The following PTPRQ variants were observed in gnomAD, a reference collection of about 807,000 sequenced individuals.
PTPRQ encodes the protein protein tyrosine phosphatase receptor type Q.
PTPRQ carries 199 observed loss-of-function variants against 246.0 expected under a neutral mutation model. The observed-to-expected ratio is 0.81, with a 90% confidence interval of 0.72 to 0.91. The LOEUF (loss-of-function observed/expected upper bound fraction) is 0.91. Among genes scored for constraint, PTPRQ ranks in the 40% least tolerant of loss-of-function variants. PTPRQ has a pLI of 0.00. For missense variants in PTPRQ, 2,624 were observed against 2,528.4 expected, an observed-to-expected ratio of 1.04 and a Z score of -0.81; for synonymous variants, 869 against 853.2, an observed-to-expected ratio of 1.02 and a Z score of -0.32.
intron 25 of PTPRQ, among the ~76,000 whole-genome samples, chr12:80,550,746 A>G (rs1896449932): frequency 6.6e-6 from 1 of 152,116 alleles, no homozygotes; most frequent in African/African-American, 2.4e-5. Context: ...CTATAAATTC[A>G]TCGTCCTTAA....
chr12:80,646,788 A>G (rs1900090402), intron 35 of PTPRQ, among the ~76,000 whole-genome samples: 1 of 152,206 alleles, frequency 6.6e-6, no homozygotes, highest in African/African-American at 2.4e-5. Context: ...TTTTAAATGC[A>G]AAATGAATTA....
At chr12:80,454,470 G>A (rs1034074252) in intron 3 of PTPRQ, 31 of 698,606 alleles carry the variant, frequency 4.4e-5, no homozygotes, top group Non-Finnish European at 7.3e-5. Context: ...TCTTTCTCTT[G>A]CTTGATCGCT....
chr12:80,575,827 G>A (rs1242598235), intron 25 of PTPRQ, among the ~76,000 whole-genome samples: 6 of 94,440 alleles, frequency 6.4e-5, no homozygotes, highest in Admixed American at 4.2e-4. Context: ...CAACAAGAGC[G>A]AAACCCCATC....
At chr12:80,555,475 T>C (rs1039350472) in intron 25 of PTPRQ, among the ~76,000 whole-genome samples, 6 of 152,208 alleles carry the variant, frequency 3.9e-5, no homozygotes, top group Non-Finnish European at 5.9e-5. Flanking sequence ...GGCTACAAAT[T>C]AGTGCACTAA....
chr12:80,676,225 A>G (rs575234129), intron 43 of PTPRQ, among the ~76,000 whole-genome samples: 1 of 152,248 alleles, frequency 6.6e-6, no homozygotes, highest in Non-Finnish European at 1.5e-5. Flanking sequence ...TGCAGTTTCT[A>G]TGAGGAATAT....
At chr12:80,477,694 G>A (rs941019974) in intron 8 of PTPRQ, among the ~76,000 whole-genome samples, 3 of 152,196 alleles carry the variant, frequency 2.0e-5, no homozygotes, top group African/African-American at 4.8e-5. Context: ...CCGAAGCAGG[G>A]CGAGGCATTG....
Position 80,658,055 on chromosome 12 carries a change from T to C in PTPRQ, c.6186T>C (p.Tyr2062=). 1 of 1,386,930 alleles carries C rather than the reference T, an allele frequency of 7.2e-7. No homozygotes were observed. The highest frequency in any genetic ancestry group is 9.5e-7 in the Non-Finnish European group (1 of 1,056,608). The allele number at this position is 1,386,930 out of a possible 1,614,324, so 85.9% of individuals were successfully genotyped here. Reference sequence around the variant, plus strand: ...GTTCGGATTATATTAATGCCAGCTATATTTCTGTAAGTTACTATTTTATAT... The same window carrying C: ...GTTCGGATTATATTAATGCCAGCTACATTTCTGTAAGTTACTATTTTATAT... ...VPGSDYINAS[Y]ISGYLCPNEF... is the part of the protein sequence containing the mutation. Residue 2062 remains tyrosine (Y), a synonymous_variant, in exon 39 of 45, where the codon TAT becomes TAC. Coordinates refer to ENST00000644991, the MANE Select transcript of PTPRQ (RefSeq NM_001145026.2).
chr12:80,530,038 G>A (rs1895798087), intron 17 of PTPRQ, among the ~76,000 whole-genome samples: 1 of 152,018 alleles, frequency 6.6e-6, no homozygotes, highest in Non-Finnish European at 1.5e-5. Flanking sequence ...CACAGTTTAT[G>A]ACTTTGGATA....
At chr12:80,467,868 C>G (rs1001624641) in intron 6 of PTPRQ, among the ~76,000 whole-genome samples, 29 of 150,704 alleles carry the variant, frequency 1.9e-4, no homozygotes, top group African/African-American at 6.4e-4. Context: ...GGGGTGGGGG[C>G]AGGGGGGAGG....
chr12:80,471,082 G>T (rs73345979), intron 7 of PTPRQ, among the ~76,000 whole-genome samples: 8 of 152,156 alleles, frequency 5.3e-5, no homozygotes, highest in African/African-American at 1.9e-4. Context: ...TGACCCTCAG[G>T]TTAGTAGATT....
intron 10 of PTPRQ, 131 bp from the exon 11 acceptor site, chr12:80,494,802 T>C (rs1894557594): frequency 3.7e-6 from 3 of 804,784 alleles, no homozygotes; most frequent in Non-Finnish European, 5.4e-6. Flanking sequence ...CTAACTTTAA[T>C]AGAGGTGTGC....
chr12:80,560,046 A>G (rs1444874428), intron 25 of PTPRQ, among the ~76,000 whole-genome samples: 1 of 152,220 alleles, frequency 6.6e-6, no homozygotes, highest in Non-Finnish European at 1.5e-5. Flanking sequence ...ATTTGGGGAA[A>G]CGAGACCAAA....
chr12:80,644,128 A>T (rs1350138873), intron 35 of PTPRQ, among the ~76,000 whole-genome samples: 2 of 152,172 alleles, frequency 1.3e-5, no homozygotes, highest in Non-Finnish European at 2.9e-5. Flanking sequence ...CTCTGTGACA[A>T]TATGGTCTTC....
chr12:80,483,752 A>G (rs1437511658), intron 8 of PTPRQ, among the ~76,000 whole-genome samples: 1 of 150,642 alleles, frequency 6.6e-6, no homozygotes, highest in African/African-American at 2.4e-5. Context: ...ACCCACCGAC[A>G]GGCCCCGGTG....
intron 8 of PTPRQ, among the ~76,000 whole-genome samples, chr12:80,483,959 T>A (rs1010847219): frequency 6.7e-6 from 1 of 150,012 alleles, no homozygotes; most frequent in Non-Finnish European, 1.5e-5. Flanking sequence ...AAATAAATTG[T>A]TTTTGTCTAT....
At chr12:80,610,753 T>C in intron 28 of PTPRQ, 128 bp downstream of exon 28, 1 of 1,142,218 alleles carries the variant, frequency 8.8e-7, no homozygotes, top group Non-Finnish European at 1.2e-6. Flanking sequence ...ACAAAAAAAT[T>C]AGTGACTCTC....
At position 80,676,963 on chromosome 12, in the gene PTPRQ, C is replaced by T. The variant is rs553396935; in HGVS notation, c.6739-1639C>T. Among the ~76,000 whole-genome samples, 26 of 152,252 alleles carry T rather than the reference C, an allele frequency of 1.7e-4. No homozygotes were observed. In the South Asian group the frequency reaches 5.2e-3, roughly 30 times the overall value. On this transcript the variant is annotated intron_variant, in intron 43 of 44. Coordinates refer to ENST00000644991, the MANE Select transcript of PTPRQ (RefSeq NM_001145026.2). ...GAGTTTAATTCTTAAGGTAATATGG[C>T]TCTCTAGGGCAGAAACTGGAATTAA...
At position 80,678,713 on chromosome 12, in the gene PTPRQ, G is replaced by C. The variant is rs1901223194; in HGVS notation, c.6850G>C (p.Asp2284His). The C allele has an allele frequency of 6.5e-7, 1 of 1,548,926 alleles. No individual in the cohort carries two copies. Among genetic ancestry groups the C allele is most frequent in the African/African-American group, 1.4e-5 (1 of 72,898 alleles). ...AGCACTTCAGAAGATGGACTCTTTG[G>C]ACGCCATGGAAGGTAAACAGAAACA... ...YSALQKMDSL[D>H]AMEGDVELEW... Residue 2284 changes from aspartate to histidine, a missense_variant, in exon 44 of 45, where the codon GAC becomes CAC. Physicochemically the swap from Asp to His is moderately conservative, Grantham distance 81. Coordinates refer to ENST00000644991, the MANE Select transcript of PTPRQ (RefSeq NM_001145026.2).
At chr12:80,480,182 C>A (rs531971236) in intron 8 of PTPRQ, among the ~76,000 whole-genome samples, 2 of 152,174 alleles carry the variant, frequency 1.3e-5, no homozygotes, top group Admixed American at 6.5e-5. Flanking sequence ...TCTCTGAGAC[C>A]ACAGTGCAAT....
Sources: allele counts gnomAD v4.1 joint callset (sites outside exome capture counted in the v4.1 genomes callset), GRCh38; gene constraint gnomAD v4.1.1; transcripts MANE v1.5; gene names NCBI Gene and HGNC (gene_info 2026-07-23, HGNC 2026-07-21).